Variants in CALD1 observed in about 807,000 individuals in gnomAD.
CALD1 encodes the protein caldesmon 1, also known as caldesmon.
In CALD1, 33 loss-of-function variants were observed where a neutral mutation model predicts 99.9. The ratio of observed to expected loss-of-function variants is 0.33; its 90% CI spans 0.25 to 0.44. The LOEUF (loss-of-function observed/expected upper bound fraction) is 0.44, where lower values mean the gene tolerates loss of function less well. Among genes scored for constraint, CALD1 ranks in the 20% least tolerant of loss-of-function variants. The probability of loss-of-function intolerance (pLI) is 1.00; values close to 1 mark genes in which losing one functional copy is unlikely to be tolerated. For missense variants in CALD1, 861 were observed against 962.1 expected, an observed-to-expected ratio of 0.89 and a Z score of 1.39; for synonymous variants, 310 against 325.0, an observed-to-expected ratio of 0.95 and a Z score of 0.50.
the CALD1 span, among the ~76,000 whole-genome samples, chr7:134,722,771 C>T: frequency 6.6e-6 from 1 of 152,132 alleles, no homozygotes; most frequent in Non-Finnish European, 1.5e-5. Context: ...TCCACCCCCT[C>T]CACCTTTCCT....
At chr7:134,765,983 GC>G (rs1796822612) in intron 1 of CALD1, among the ~76,000 whole-genome samples, 1 of 150,922 alleles carries the variant, frequency 6.6e-6, no homozygotes, top group Non-Finnish European at 1.5e-5. Context: ...TCTCTCTCTA[GC>G]TAGCTCCTGT....
At chr7:134,926,150 C>T (rs935256906) in intron 3 of CALD1, among the ~76,000 whole-genome samples, 1 of 152,158 alleles carries the variant, frequency 6.6e-6, no homozygotes, top group African/African-American at 2.4e-5. Flanking sequence ...CCTCACGAAG[C>T]GGCTCCTTAA....
intron 1 of CALD1, among the ~76,000 whole-genome samples, chr7:134,824,194 G>T (rs1798894920): frequency 6.6e-6 from 1 of 152,144 alleles, no homozygotes; most frequent in Non-Finnish European, 1.5e-5. Context: ...TTTGTTTGGG[G>T]TGGCAATTTG....
At chr7:134,794,338 AATG>A (rs1311083172) in intron 1 of CALD1, among the ~76,000 whole-genome samples, 1 of 152,202 alleles carries the variant, frequency 6.6e-6, no homozygotes, top group East Asian at 1.9e-4. Flanking sequence ...AGAGTTGAAA[AATG>A]ATGAAAGCAT....
intron 3 of CALD1, among the ~76,000 whole-genome samples, chr7:134,912,209 G>A (rs1246923496): frequency 6.6e-6 from 1 of 152,168 alleles, no homozygotes; most frequent in East Asian, 1.9e-4. Flanking sequence ...CAAAAATAGT[G>A]CCCTGGAAAA....
intron 3 of CALD1, among the ~76,000 whole-genome samples, chr7:134,907,547 T>G (rs1803482702): frequency 6.6e-6 from 1 of 152,214 alleles, no homozygotes; most frequent in African/African-American, 2.4e-5. Context: ...GATTATATAT[T>G]CAACTGCCTG....
chr7:134,781,744 A>T (rs1480298139), intron 1 of CALD1, among the ~76,000 whole-genome samples: 3 of 152,268 alleles, frequency 2.0e-5, no homozygotes, highest in African/African-American at 7.2e-5. Flanking sequence ...TGTTTCAAGT[A>T]TTCGAAGCAA....
At chr7:134,767,797 G>T (rs997469937) in intron 1 of CALD1, among the ~76,000 whole-genome samples, 6 of 152,306 alleles carry the variant, frequency 3.9e-5, no homozygotes, top group Admixed American at 1.3e-4. Flanking sequence ...GTTCTCTAGA[G>T]GCACACACCG....
At chr7:134,728,238 A>C in the CALD1 span, among the ~76,000 whole-genome samples, 1 of 152,182 alleles carries the variant, frequency 6.6e-6, no homozygotes, top group African/African-American at 2.4e-5. Flanking sequence ...GCTGAATTAA[A>C]TTTAAAAGAG....
chr7:134,834,750 T>C (rs1799365682), intron 1 of CALD1, among the ~76,000 whole-genome samples: 1 of 152,180 alleles, frequency 6.6e-6, no homozygotes, highest in Non-Finnish European at 1.5e-5. Context: ...GCTGATCTGA[T>C]TGATGATAGA....
intron 1 of CALD1, among the ~76,000 whole-genome samples, chr7:134,761,875 G>A (rs1346377637): frequency 6.6e-6 from 1 of 152,098 alleles, no homozygotes; most frequent in Non-Finnish European, 1.5e-5. Flanking sequence ...TATTATTTTT[G>A]AAATATTTGC....
intron 7 of CALD1, among the ~76,000 whole-genome samples, chr7:134,946,269 T>C (rs1011404443): frequency 1.3e-5 from 2 of 152,082 alleles, no homozygotes; most frequent in African/African-American, 4.8e-5. Flanking sequence ...ATAGAATAAA[T>C]AGTATTTACC....
intron 2 of CALD1, among the ~76,000 whole-genome samples, chr7:134,845,519 G>A (rs1799816360): frequency 6.6e-6 from 1 of 152,220 alleles, no homozygotes; most frequent in Non-Finnish European, 1.5e-5. Context: ...AATAGCACAA[G>A]CATGCCCCAG....
At chr7:134,935,488 C>A (rs1805893086) in intron 5 of CALD1, among the ~76,000 whole-genome samples, 200 bp from the exon 6 acceptor site, 1 of 152,152 alleles carries the variant, frequency 6.6e-6, no homozygotes, top group Non-Finnish European at 1.5e-5. Context: ...AGCGCAATGG[C>A]AGGCACACGA....
At position 134,904,676 on chromosome 7, in the gene CALD1, T is replaced by C. The variant is rs530018790; in HGVS notation, c.72-24078T>C. 1.3e-3 allele frequency among the ~76,000 whole-genome samples: 198 copies of C among 152,180 alleles called. 1 individual carries two copies. Among genetic ancestry groups the C allele is most frequent in the African/African-American group, 7.7e-4 (32 of 41,472 alleles). ...CAGGTAAAAAACCTGTATAAAACCA[T>C]TGGGTCTAGGGAGCTTTTGCCTCTT... On this transcript the variant is annotated intron_variant, in intron 3 of 14. Transcript: ENST00000361675.
At chr7:134,791,531 A>G (rs1240067733) in intron 1 of CALD1, among the ~76,000 whole-genome samples, 1 of 152,182 alleles carries the variant, frequency 6.6e-6, no homozygotes, top group Non-Finnish European at 1.5e-5. Context: ...AACCAACTTT[A>G]TGAAGGGAGA....
At chr7:134,950,807 C>T (rs34538555) in intron 9 of CALD1, among the ~76,000 whole-genome samples, 48,820 of 151,934 alleles carry the variant, frequency 0.32, 8,174 homozygotes, top group African/African-American at 0.41. Flanking sequence ...AATTCAAAAA[C>T]TAGCCGGACG....
intron 3 of CALD1, among the ~76,000 whole-genome samples, chr7:134,873,309 A>C (rs1171783422): frequency 1.3e-5 from 2 of 151,642 alleles, no homozygotes; most frequent in Admixed American, 6.6e-5. Context: ...TCCTTGGTGC[A>C]CCTTCATGTG....
intron 3 of CALD1, among the ~76,000 whole-genome samples, chr7:134,892,807 A>C (rs528270726): frequency 4.9e-4 from 75 of 152,312 alleles, no homozygotes; most frequent in African/African-American, 1.7e-3. Context: ...TGGGATCTAG[A>C]GCTCCTCATC....
Sources: gnomAD v4.1 joint callset for allele counts (sites outside exome capture counted in the v4.1 genomes callset) on GRCh38, gnomAD v4.1.1 for gene constraint, MANE v1.5 for transcripts, NCBI Gene and HGNC (gene_info 2026-07-23, HGNC 2026-07-21) for gene names.